The following GTF3C5 variants were observed in gnomAD, a reference collection of about 807,000 sequenced individuals.
GTF3C5 encodes general transcription factor 3C polypeptide 5.
A neutral mutation model predicts 61.0 loss-of-function variants in GTF3C5; 47 were observed. The observed-to-expected ratio is 0.77, with a 90% confidence interval of 0.61 to 0.98. GTF3C5 has a LOEUF of 0.98. GTF3C5 is among the 50% of genes least tolerant of loss of function. GTF3C5 has a pLI of 0.00. For missense variants in GTF3C5, 659 were observed against 703.3 expected, an observed-to-expected ratio of 0.94 and a Z score of 0.71; for synonymous variants, 295 against 275.4, an observed-to-expected ratio of 1.07 and a Z score of -0.71.
intron 3 of GTF3C5, chr9:133,044,145 CCAAAAAAA>C: frequency 7.1e-6 from 1 of 140,860 alleles, no homozygotes. Context: ...ACTTTGTCTC[CCAAAAAAA>C]AAAAAAAAAA....
At chr9:133,051,550 C>T (rs1182394217) in intron 4 of GTF3C5, among the ~76,000 whole-genome samples, 2 of 152,222 alleles carry the variant, frequency 1.3e-5, no homozygotes, top group Non-Finnish European at 2.9e-5. Context: ...TCCTTATTGC[C>T]CACCAGGCAC....
intron 1 of GTF3C5, among the ~76,000 whole-genome samples, chr9:133,034,710 G>A (rs962495767): frequency 6.6e-6 from 1 of 152,122 alleles, no homozygotes; most frequent in Middle Eastern, 3.2e-3. Flanking sequence ...TGATGAGAAC[G>A]TGATCCCCAG....
intron 2 of GTF3C5, among the ~76,000 whole-genome samples, chr9:133,043,346 C>T (rs1850093624): frequency 6.6e-6 from 1 of 152,206 alleles, no homozygotes; most frequent in Non-Finnish European, 1.5e-5. Flanking sequence ...CACCTGGGAG[C>T]TTGGTAGAAA....
chr9:133,045,857 G>A (rs1157379328), intron 3 of GTF3C5, among the ~76,000 whole-genome samples: 2 of 152,060 alleles, frequency 1.3e-5, no homozygotes, highest in African/African-American at 2.4e-5. Flanking sequence ...GGCTGGTCTC[G>A]AACTCCTGGC....
chr9:133,044,146 CAAA>C lies in GTF3C5; in HGVS notation c.572+241_572+243del, dbSNP rs34524914. 999 of 108,060 alleles carry C rather than the reference CAAA, an allele frequency of 9.2e-3. 1 individual carries two copies. Among genetic ancestry groups the C allele is most frequent in the South Asian group, 0.018 (118 of 6,592 alleles). The allele number at this position is 108,060 out of a possible 1,614,324, so 6.7% of individuals were successfully genotyped here. On this transcript the variant is annotated intron_variant, in intron 3 of 10. Coordinates refer to ENST00000372097, the MANE Select transcript of GTF3C5 (RefSeq NM_012087.4). Reference sequence around the variant, plus strand: ...GGTGACAGAGTGAGACTTTGTCTCCCAAAAAAAAAAAAAAAAAAAAAAAGAAAA... The same window carrying C: ...GGTGACAGAGTGAGACTTTGTCTCCCAAAAAAAAAAAAAAAAAAAAGAAAA...
intron 2 of GTF3C5, 102 bp from the exon 3 acceptor site, chr9:133,043,626 C>T: frequency 1.1e-6 from 1 of 904,040 alleles, no homozygotes. Flanking sequence ...GCCTCCACCA[C>T]ATGGCCCACT....
At chr9:133,047,165 C>T (rs1165444843) in intron 3 of GTF3C5, among the ~76,000 whole-genome samples, 5 of 152,102 alleles carry the variant, frequency 3.3e-5, no homozygotes, top group Non-Finnish European at 7.3e-5. Flanking sequence ...CAATACCAGT[C>T]TCCTACGCAA....
rs763693192 is a variant in GTF3C5, at chr9:133,042,090, T to C, written c.157T>C (p.Tyr53His). 1.9e-6 allele frequency: 3 copies of C among 1,612,602 alleles called. No individual in the cohort carries two copies. The highest frequency in any genetic ancestry group is 2.5e-6 in the Non-Finnish European group (3 of 1,179,284). ...LGGEEGVSRI[Y>H]ADPTKRLELY... is the part of the protein sequence containing the mutation. ...GTCTCCTTTGGCCTTGCCACAGATCTACGCAGACCCCACCAAGAGGCTGGA... is the reference window on the plus strand; with the variant it reads ...GTCTCCTTTGGCCTTGCCACAGATCCACGCAGACCCCACCAAGAGGCTGGA... The change falls in exon 2 of 11, where the codon TAC (tyrosine) becomes CAC (histidine). Residue 53 changes from tyrosine (Y) to histidine (H), a missense_variant. Physicochemically the swap from Tyr to His is moderately conservative, Grantham distance 83 (BLOSUM62 2). Transcript: ENST00000372097.
At chr9:133,038,120 G>A (rs969125501) in intron 1 of GTF3C5, among the ~76,000 whole-genome samples, 2 of 152,158 alleles carry the variant, frequency 1.3e-5, no homozygotes, top group Admixed American at 6.5e-5. Flanking sequence ...GTTACAGAGC[G>A]GGTAACTAAG....
chr9:133,058,347 C>T lies in GTF3C5; in HGVS notation c.*367C>T. 4.8e-6 allele frequency: 1 copy of T among 209,640 alleles called. No individual in the cohort carries two copies. The highest frequency in any genetic ancestry group is 9.5e-6 in the Non-Finnish European group (1 of 105,748). 13.0% of individuals were successfully genotyped at this position (209,640 alleles called of 1,614,324 possible). A position where few individuals can be genotyped will look rare whatever the true frequency, so the allele number is the denominator to read the frequency against. ...CAGGCCACAGGCCAGTCTCGCTTGG[C>T]TCTCATGACTGTGGTGGTGGAGATA... On this transcript the variant is annotated 3_prime_UTR_variant, in exon 11 of 11. Transcript: ENST00000372097.
At chr9:133,047,334 C>CT (rs1237060457) in intron 3 of GTF3C5, among the ~76,000 whole-genome samples, 1 of 152,136 alleles carries the variant, frequency 6.6e-6, no homozygotes, top group Non-Finnish European at 1.5e-5. Flanking sequence ...CCACCCCCTA[C>CT]TTTTTTCTGA....
chr9:133,058,019 G>C lies in GTF3C5; in HGVS notation c.*39G>C, dbSNP rs376323355. On this transcript the variant is annotated 3_prime_UTR_variant, in exon 11 of 11. Coordinates refer to ENST00000372097, the MANE Select transcript of GTF3C5 (RefSeq NM_012087.4). ...TGGGCCTCCCTGACCCGGCCAGACT[G>C]GTGTCTGGCCTAATGAGGGAGCCGG... 5 of 1,609,722 alleles carry C rather than the reference G, an allele frequency of 3.1e-6. No homozygotes were observed. The highest frequency in any genetic ancestry group is 4.2e-6 in the Non-Finnish European group (5 of 1,177,670).
At chr9:133,051,963 T>C (rs1850393813) in intron 4 of GTF3C5, 97 bp from the exon 5 acceptor site, 5 of 627,232 alleles carry the variant, frequency 8.0e-6, no homozygotes, top group Non-Finnish European at 1.4e-5. Flanking sequence ...AGCTCCTCTC[T>C]GGAGGGGCCG....
chr9:133,046,411 C>T (rs1216039063), intron 3 of GTF3C5, among the ~76,000 whole-genome samples: 4 of 152,146 alleles, frequency 2.6e-5, no homozygotes, highest in Admixed American at 2.6e-4. Flanking sequence ...CTCCCTTGCT[C>T]TGTGAGAAAG....
At chr9:133,052,809 G>A (rs1850427668) in intron 5 of GTF3C5, among the ~76,000 whole-genome samples, 1 of 152,090 alleles carries the variant, frequency 6.6e-6, no homozygotes, top group Non-Finnish European at 1.5e-5. Flanking sequence ...TGTGCTGCTT[G>A]GCGTTGGCAT....
At chr9:133,034,106 G>C (rs1849803975) in intron 1 of GTF3C5, among the ~76,000 whole-genome samples, 1 of 152,146 alleles carries the variant, frequency 6.6e-6, no homozygotes, top group East Asian at 1.9e-4. Flanking sequence ...CCATTGTTTG[G>C]GGATTATCTA....
chr9:133,056,197 C>T, intron 9 of GTF3C5, 103 bp downstream of exon 9: 3 of 895,358 alleles, frequency 3.4e-6, no homozygotes, highest in Non-Finnish European at 3.5e-6. Context: ...TCATCTCCGG[C>T]AAGAGCACTC....
chr9:133,042,800 G>T (rs1317914032), intron 2 of GTF3C5, among the ~76,000 whole-genome samples: 1 of 152,202 alleles, frequency 6.6e-6, no homozygotes, highest in East Asian at 1.9e-4. Flanking sequence ...GCAAGGGAGG[G>T]AGACGGGTGA....
At chr9:133,052,592 C>T (rs1018879557) in intron 5 of GTF3C5, among the ~76,000 whole-genome samples, 2 of 152,052 alleles carry the variant, frequency 1.3e-5, no homozygotes, top group African/African-American at 4.8e-5. Context: ...GCAGATCCAC[C>T]TTTGATCCAC....
Sources: gnomAD v4.1 joint callset for allele counts (sites outside exome capture counted in the v4.1 genomes callset) on GRCh38, gnomAD v4.1.1 for gene constraint, MANE v1.5 for transcripts, NCBI Gene and HGNC (gene_info 2026-07-23, HGNC 2026-07-21) for gene names.